The following TRAPPC11 variants were observed in gnomAD, a reference collection of about 807,000 sequenced individuals.
The protein encoded by TRAPPC11 is trafficking protein particle complex subunit 11.
In TRAPPC11, 104 loss-of-function variants were observed where a neutral mutation model predicts 151.2. The observed-to-expected ratio is 0.69, with a 90% CI of 0.59 to 0.81. The LOEUF (loss-of-function observed/expected upper bound fraction) is 0.81. Ranked by LOEUF, TRAPPC11 falls within the 30% of genes least tolerant of loss-of-function variation. TRAPPC11 has a pLI of 0.00. For missense variants in TRAPPC11, 1,230 were observed against 1,349.6 expected (o/e 0.91, Z 1.39); for synonymous variants, 456 against 472.3 (o/e 0.97, Z 0.45).
At chr4:183,666,788 T>A in intron 3 of TRAPPC11, 1 of 434,710 alleles carries the variant, frequency 2.3e-6, no homozygotes, top group Non-Finnish European at 4.1e-6. Context: ...CATAAAGAAG[T>A]AAGTTGCATT....
At position 183,664,658 on chromosome 4, in the gene TRAPPC11, G is replaced by A. The variant is rs529653028; in HGVS notation, c.204+587G>A. Among the ~76,000 whole-genome samples the A allele has an allele frequency of 5.9e-5, 9 of 152,242 alleles. No homozygotes were observed. The South Asian group carries it at 1.9e-3, about 32-fold the overall frequency. On this transcript the variant is annotated intron_variant, in intron 2 of 29. Coordinates refer to ENST00000334690, the MANE Select transcript of TRAPPC11 (RefSeq NM_021942.6). ...CTTAGATAATAATTATTATCATGATGATAGTATCACTAATAGCTAACATAG... is the reference window on the plus strand; with the variant it reads ...CTTAGATAATAATTATTATCATGATAATAGTATCACTAATAGCTAACATAG...
At chr4:183,661,867 T>G (rs1026747242) in intron 1 of TRAPPC11, among the ~76,000 whole-genome samples, 1 of 149,536 alleles carries the variant, frequency 6.7e-6, no homozygotes, top group African/African-American at 2.5e-5. Context: ...ACTCAAGTGA[T>G]CCTCCCATCT....
chr4:183,664,313 C>CT lies in TRAPPC11; in HGVS notation c.204+248dup, dbSNP rs568147681. Among the ~76,000 whole-genome samples the CT allele has an allele frequency of 4.5e-3, 678 of 152,072 alleles. 7 individuals are homozygous for CT. The highest frequency in any genetic ancestry group is 0.015 in the African/African-American group (617 of 41,474). On this transcript the variant is annotated intron_variant, in intron 2 of 29. Transcript: ENST00000334690. ...TCTATCCTATGAGCCCAGGTTTTCC[C>CT]TTTTTTGTTTTTAGGAAAAAACCCA... is the stretch of plus-strand genomic sequence containing the variant.
chr4:183,665,521 G>A (rs1734834868), intron 2 of TRAPPC11, among the ~76,000 whole-genome samples: 1 of 152,196 alleles, frequency 6.6e-6, no homozygotes, highest in Non-Finnish European at 1.5e-5. Context: ...TTTTGGCTGA[G>A]TCCCCATGTT....
chr4:183,684,367 C>A lies in TRAPPC11; in HGVS notation c.1421+8C>A. ...TTATACCAAAGCTTTGAAGTGAGTC[C>A]TGTTCACTATTTACTTTTACAAGTA... On this transcript the variant is annotated splice_region_variant and intron_variant, in intron 14 of 29. Transcript: ENST00000334690. 2 of 1,609,126 alleles carry A rather than the reference C, an allele frequency of 1.2e-6. No homozygotes were observed. The highest frequency in any genetic ancestry group is 1.7e-6 in the Non-Finnish European group (2 of 1,175,762).
At chr4:183,662,129 C>G (rs138607000) in intron 1 of TRAPPC11, among the ~76,000 whole-genome samples, 2 of 152,032 alleles carry the variant, frequency 1.3e-5, no homozygotes, top group African/African-American at 4.8e-5. Flanking sequence ...GAGGCCAAGG[C>G]TGGCAATCGC....
In TRAPPC11 at chr4:183,659,856, G is replaced by A. The variant is rs569435757; in HGVS notation, c.-22+409G>A. 2.6e-5 allele frequency among the ~76,000 whole-genome samples: 4 copies of A among 152,174 alleles called. No individual in the cohort carries two copies. In the South Asian group the frequency reaches 8.3e-4, roughly 32 times the overall value. Reference sequence around the variant, plus strand: ...ACATCTCTGAATCCCATTCTTAGCAGCCTTGTGTCCTAACACCCTGAACTT... The same window carrying A: ...ACATCTCTGAATCCCATTCTTAGCAACCTTGTGTCCTAACACCCTGAACTT... On this transcript the variant is annotated intron_variant, in intron 1 of 29. Coordinates refer to ENST00000334690, the MANE Select transcript of TRAPPC11 (RefSeq NM_021942.6).
At chr4:183,706,510 G>A (rs1445516668) in intron 27 of TRAPPC11, among the ~76,000 whole-genome samples, 3 of 147,930 alleles carry the variant, frequency 2.0e-5, no homozygotes, top group Non-Finnish European at 4.5e-5. Context: ...GTGAAAGAGC[G>A]AGACTCCGCC....
chr4:183,673,198 G>A (rs1045272576), intron 5 of TRAPPC11, among the ~76,000 whole-genome samples: 2 of 151,872 alleles, frequency 1.3e-5, no homozygotes, highest in African/African-American at 4.8e-5. Context: ...TCCTGACCTC[G>A]TGATCCGCCT....
chr4:183,706,792 C>T lies in TRAPPC11; in HGVS notation c.3056-15C>T. 5 of 1,604,028 alleles carry T rather than the reference C, an allele frequency of 3.1e-6. No individual in the cohort carries two copies. The highest frequency in any genetic ancestry group is 4.3e-6 in the Non-Finnish European group (5 of 1,173,888). On this transcript the variant is annotated splice_polypyrimidine_tract_variant and intron_variant, in intron 27 of 29. Transcript: ENST00000334690. ...ATTTTTTAAACCAAGAGAAGTGTGT[C>T]ATCTTTCTCTGTAGATCTGCCGTCA...
intron 5 of TRAPPC11, among the ~76,000 whole-genome samples, chr4:183,670,861 C>G (rs1210393546): frequency 6.6e-6 from 1 of 152,166 alleles, no homozygotes; most frequent in African/African-American, 2.4e-5. Context: ...TCTTGGCTCA[C>G]TGCAACCTCT....
chr4:183,670,153 T>A (rs576286697), intron 5 of TRAPPC11, among the ~76,000 whole-genome samples: 2 of 152,362 alleles, frequency 1.3e-5, no homozygotes, highest in South Asian at 4.1e-4. Context: ...GAGCTACTGA[T>A]GGCACACTTA....
intron 7 of TRAPPC11, among the ~76,000 whole-genome samples, chr4:183,676,123 C>T (rs1421557016): frequency 6.6e-6 from 1 of 152,076 alleles, no homozygotes; most frequent in African/African-American, 2.4e-5. Context: ...TGAATCTCAA[C>T]AACTTCATAT....
rs951978810 is a variant in TRAPPC11 at position 183,685,454 on chromosome 4, A to G, written c.1762+51A>G. 8 of 1,567,766 alleles carry G rather than the reference A, an allele frequency of 5.1e-6. No individual in the cohort carries two copies. In the African/African-American group the frequency reaches 1.1e-4, roughly 21 times the overall value. On this transcript the variant is annotated intron_variant, in intron 17 of 29. Transcript: ENST00000334690. ...ATTTCAGAGAAATTGTCTTATTTCT[A>G]CAAAATGAATAGGTGCAGAATAATA...
rs1035465109 is a variant in TRAPPC11 at position 183,664,095 on chromosome 4, G to A, written c.204+24G>A. 4.4e-6 allele frequency: 7 copies of A among 1,580,072 alleles called. No individual in the cohort carries two copies. The African/African-American group carries it at 5.4e-5, about 12-fold the overall frequency. On this transcript the variant is annotated intron_variant, in intron 2 of 29. Coordinates refer to ENST00000334690, the MANE Select transcript of TRAPPC11 (RefSeq NM_021942.6). ...AGGTAATGGCATTGTGATGGCATGT[G>A]TTCTTTCCTTCTCTCTCTCTATGTG...
chr4:183,665,358 T>C lies in TRAPPC11; in HGVS notation c.205-899T>C, dbSNP rs189094139. 3.1e-3 allele frequency among the ~76,000 whole-genome samples: 479 copies of C among 152,280 alleles called. 2 individuals carry two copies. The highest frequency in any genetic ancestry group is 0.011 in the African/African-American group (466 of 41,554). On this transcript the variant is annotated intron_variant, in intron 2 of 29. Transcript: ENST00000334690. Reference sequence around the variant, plus strand: ...ATCTGCCCACCTTGGCCTCCCAAAGTGCTGGGATTACAGGCGTGAGCCACC... The same window carrying C: ...ATCTGCCCACCTTGGCCTCCCAAAGCGCTGGGATTACAGGCGTGAGCCACC...
chr4:183,674,719 A>G lies in TRAPPC11; in HGVS notation c.567A>G (p.Glu189=). 1 of 1,536,842 alleles carries G rather than the reference A, an allele frequency of 6.5e-7. No individual in the cohort carries two copies. Residue 189 remains glutamate, a synonymous_variant, in exon 6 of 30, where the codon GAA becomes GAG. Coordinates refer to ENST00000334690, the MANE Select transcript of TRAPPC11 (RefSeq NM_021942.6). ...DHLVGYIIRL[E]NAFYEHAQTY... Reference sequence around the variant, plus strand: ...TTGTTTTTGTTTTTTACAGATTGGAAAATGCCTTTTATGAACATGCACAGA... The same window carrying G: ...TTGTTTTTGTTTTTTACAGATTGGAGAATGCCTTTTATGAACATGCACAGA...
At chr4:183,674,993 A>G (rs1735342246) in intron 6 of TRAPPC11, 171 bp from the exon 7 acceptor site, 2 of 582,164 alleles carry the variant, frequency 3.4e-6, no homozygotes, top group East Asian at 6.7e-5. Flanking sequence ...TAAAGTTCTT[A>G]AAGGTAGATT....
At position 183,691,322 on chromosome 4, in the gene TRAPPC11, A is replaced by T; in HGVS notation, c.1900A>T (p.Asn634Tyr). ...CCCTGTTCACCTTTTTCAGGAATAC[A>T]ACCAGTTCTGTGTAATAGAAGAAGC... Reference protein sequence around the residue: ...LCVSFNNQEYNQFCVIEEASK... With the variant: ...LCVSFNNQEYYQFCVIEEASK... The change falls in exon 19 of 30, where the codon AAC (asparagine) becomes TAC (tyrosine). Residue 634 changes from asparagine to tyrosine, a missense_variant. By Grantham distance (143) the Asn-to-Tyr change is moderately radical (BLOSUM62 -2). Transcript: ENST00000334690. 6.6e-7 allele frequency: 1 copy of T among 1,513,696 alleles called. No individual in the cohort carries two copies. The highest frequency in any genetic ancestry group is 8.9e-7 in the Non-Finnish European group (1 of 1,120,958). The allele number at this position is 1,513,696 out of a possible 1,614,324, so 93.8% of individuals were successfully genotyped here. A position where few individuals can be genotyped will look rare whatever the true frequency, so the allele number is the denominator to read the frequency against.
Sources: gnomAD v4.1 joint callset for allele counts (sites outside exome capture counted in the v4.1 genomes callset) on GRCh38, gnomAD v4.1.1 for gene constraint, MANE v1.5 for transcripts, NCBI Gene and HGNC (gene_info 2026-07-23, HGNC 2026-07-21) for gene names.